MYH14: variants seen among roughly 807,000 people sequenced by gnomAD.
The protein encoded by MYH14 is myosin-14.
Under a neutral mutation model 255.5 loss-of-function variants are expected in MYH14, and 123 were observed. That is an observed-to-expected ratio of 0.48 (90% CI 0.42 to 0.56). The LOEUF is 0.56. MYH14 is among the 20% of genes least tolerant of loss of function. The pLI is 0.00. For missense variants in MYH14, 2,423 were observed against 2,802.3 expected (o/e 0.86, Z 3.06); for synonymous variants, 1,095 against 1,161.2 (o/e 0.94, Z 1.16).
intron 7 of MYH14, 111 bp downstream of exon 7, chr19:50,225,788 G>T: frequency 6.2e-6 from 5 of 806,408 alleles, no homozygotes; most frequent in East Asian, 2.7e-5. Flanking sequence ...AGGAGGGGCT[G>T]GGGGTCTGGA....
intron 35 of MYH14, 96 bp from the exon 36 acceptor site, chr19:50,290,791 G>T: frequency 7.5e-7 from 1 of 1,325,342 alleles, no homozygotes; most frequent in Non-Finnish European, 1.0e-6. Flanking sequence ...CTTGCAGCCT[G>T]GGCAGGAGCT....
At chr19:50,269,105 A>C (rs2035202207) in intron 24 of MYH14, among the ~76,000 whole-genome samples, 1 of 152,254 alleles carries the variant, frequency 6.6e-6, no homozygotes, top group Non-Finnish European at 1.5e-5. Context: ...TAAAATAAAT[A>C]AAATTAAATA....
At chr19:50,283,172 T>G (rs2035782227) in intron 33 of MYH14, among the ~76,000 whole-genome samples, 1 of 151,884 alleles carries the variant, frequency 6.6e-6, no homozygotes, top group Non-Finnish European at 1.5e-5. Context: ...AAGGCTAGAG[T>G]GCAGTGGCAC....
chr19:50,260,146 G>T (rs2034768436), intron 19 of MYH14, among the ~76,000 whole-genome samples: 1 of 152,188 alleles, frequency 6.6e-6, no homozygotes, highest in Non-Finnish European at 1.5e-5. Flanking sequence ...GCCAATACTG[G>T]CTGGGCACTG....
In MYH14 at chr19:50,223,045, C is replaced by T. The variant is rs375704185; in HGVS notation, c.563-38C>T. The stretch of plus-strand genomic sequence containing the variant: ...GGACCAGAGGGCCCTGCTAGAGACT[C>T]TCTCAGATGACATATTCCCCCACTC... On this transcript the variant is annotated intron_variant, in intron 3 of 42. Transcript: ENST00000642316. 15 of 1,603,630 alleles carry T rather than the reference C, an allele frequency of 9.4e-6. No individual in the cohort carries two copies. The African/African-American group carries it at 1.1e-4, about 11-fold the overall frequency.
Position 50,272,742 on chromosome 19 carries a change from G to A in MYH14, c.3467+11G>A. 20 of 1,549,382 alleles carry A rather than the reference G, an allele frequency of 1.3e-5. No homozygotes were observed. The highest frequency in any genetic ancestry group is 1.7e-5 in the Non-Finnish European group (20 of 1,146,878). ...GGCTGCCCTGGCCAGGTGCAGGGTG[G>A]GGTGGGCTTGGTGGGGTAAGCAGCA... On this transcript the variant is annotated intron_variant, in intron 27 of 42. Coordinates refer to ENST00000642316, the MANE Select transcript of MYH14 (RefSeq NM_001145809.2).
rs1600993866 is a variant in MYH14 at position 50,271,844 on chromosome 19, C to T, written c.3172-5C>T. 7 of 1,613,080 alleles carry T rather than the reference C, an allele frequency of 4.3e-6. No individual in the cohort carries two copies. The East Asian group carries it at 1.6e-4, about 36-fold the overall frequency. On this transcript the variant is annotated splice_polypyrimidine_tract_variant and splice_region_variant and intron_variant, in intron 25 of 42. Coordinates refer to ENST00000642316, the MANE Select transcript of MYH14 (RefSeq NM_001145809.2). ...GACTGCCCCCCATCCCACTCCACCCCTCAGGAGCGGAAGCTGCTGGAAGAT... is the reference window on the plus strand; with the variant it reads ...GACTGCCCCCCATCCCACTCCACCCTTCAGGAGCGGAAGCTGCTGGAAGAT...
At chr19:50,220,562 AT>A (rs893246321) in intron 3 of MYH14, among the ~76,000 whole-genome samples, 49 of 147,338 alleles carry the variant, frequency 3.3e-4, no homozygotes, top group Admixed American at 3.4e-4. Context: ...TATTATGCTT[AT>A]TTTTTTTTTT....
In MYH14 at chr19:50,310,200, T is replaced by C; in HGVS notation, c.*410T>C. 1 of 265,150 alleles carries C rather than the reference T, an allele frequency of 3.8e-6. No individual in the cohort carries two copies. 16.4% of individuals were successfully genotyped at this position (265,150 alleles called of 1,614,324 possible). On this transcript the variant is annotated 3_prime_UTR_variant, in exon 43 of 43. Transcript: ENST00000642316. Reference sequence around the variant, plus strand: ...CTCTCTCTCTCTCTCTCTCCCTCCCTCTCCTTCCCTACCCTCTCACCATCT... The same window carrying C: ...CTCTCTCTCTCTCTCTCTCCCTCCCCCTCCTTCCCTACCCTCTCACCATCT...
rs892237332 is a variant in MYH14, at chr19:50,221,781, C to T, written c.563-1302C>T. 2.0e-5 allele frequency among the ~76,000 whole-genome samples: 3 copies of T among 152,088 alleles called. No homozygotes were observed. Among genetic ancestry groups the T allele is most frequent in the Non-Finnish European group, 2.9e-5 (2 of 68,018 alleles). On this transcript the variant is annotated intron_variant, in intron 3 of 42. Transcript: ENST00000642316. This position sits in a 1 kb window ranked among gnomAD's most constrained non-coding sequence, Gnocchi z 5.3. ...TATGAGCCACTGTGTCCAGCCTAAT[C>T]GCTGCTTTAAAACCCATCCCACCAC...
rs568747124 is a variant in MYH14 at position 50,290,777 on chromosome 19, G to A, written c.4966-110G>A. On this transcript the variant is annotated intron_variant, in intron 35 of 42. Coordinates refer to ENST00000642316, the MANE Select transcript of MYH14 (RefSeq NM_001145809.2). The stretch of plus-strand genomic sequence containing the variant: ...AAGAGAGTCAGGGAGTGAGAGGAGC[G>A]GGGCTTGCAGCCTGGGCAGGAGCTC... 3.0e-4 allele frequency: 348 copies of A among 1,145,486 alleles called. 6 individuals carry two copies. The East Asian group carries it at 8.0e-3, about 26-fold the overall frequency. 71.0% of individuals were successfully genotyped at this position (1,145,486 alleles called of 1,614,324 possible).
At chr19:50,254,698 C>G (rs2034527512) in intron 16 of MYH14, among the ~76,000 whole-genome samples, 1 of 152,224 alleles carries the variant, frequency 6.6e-6, no homozygotes, top group Non-Finnish European at 1.5e-5. Context: ...CTGCAAGACA[C>G]AGGCAAAGGG....
rs1422551709 is a variant in MYH14, at chr19:50,293,280, G to A, written c.5304G>A (p.Arg1768=). The part of the protein sequence containing the change: ...DRARRQAQQD[R]DEMADEVANG... ...CTCGGCGGCAGGCCCAGCAGGACCG[G>A]GATGAGATGGCAGATGAGGTGGCCA... Residue 1768 remains arginine (R), a synonymous_variant, in exon 38 of 43, where the codon CGG becomes CGA. Coordinates refer to ENST00000642316, the MANE Select transcript of MYH14 (RefSeq NM_001145809.2). The surrounding 1 kb of genome is among the most constrained non-coding windows in gnomAD (Gnocchi z 4.1). 1.2e-6 allele frequency: 2 copies of A among 1,609,846 alleles called. No individual in the cohort carries two copies. The highest frequency in any genetic ancestry group is 2.2e-5 in the South Asian group (2 of 90,076).
intron 37 of MYH14, among the ~76,000 whole-genome samples, chr19:50,292,646 A>C (rs1269591046): frequency 1.3e-5 from 2 of 152,102 alleles, no homozygotes; most frequent in Admixed American, 1.3e-4. Context: ...CTGCAATGCC[A>C]GCCTAAGAGC....
intron 2 of MYH14, among the ~76,000 whole-genome samples, chr19:50,216,831 A>T (rs1600866178): frequency 8.1e-6 from 1 of 123,406 alleles, no homozygotes; most frequent in East Asian, 2.5e-4. Context: ...TTTTTGAGAC[A>T]GAGTCTCGCT....
At chr19:50,237,009 C>A (rs79151752) in intron 10 of MYH14, among the ~76,000 whole-genome samples, 1 of 152,120 alleles carries the variant, frequency 6.6e-6, no homozygotes, top group African/African-American at 2.4e-5. Context: ...TATGGACTTG[C>A]GTATTCTGGA....
rs1016164735 is a variant in MYH14, at chr19:50,221,343, A to C, written c.563-1740A>C. On this transcript the variant is annotated intron_variant, in intron 3 of 42. Transcript: ENST00000642316. The surrounding 1 kb of genome is among the most constrained non-coding windows in gnomAD (Gnocchi z 5.3). ...GCAGCCGGGCGGTGAACCTGTGTGCATATAGTCCCCCATACCAGGCTGCCA... is the reference window on the plus strand; with the variant it reads ...GCAGCCGGGCGGTGAACCTGTGTGCCTATAGTCCCCCATACCAGGCTGCCA... Among the ~76,000 whole-genome samples the C allele has an allele frequency of 2.6e-5, 4 of 152,150 alleles. No homozygotes were observed. Among genetic ancestry groups the C allele is most frequent in the African/African-American group, 9.7e-5 (4 of 41,428 alleles).
Position 50,230,877 on chromosome 19 carries a change from G to T in MYH14, c.973+254G>T. 3 of 487,736 alleles carry T rather than the reference G, an allele frequency of 6.2e-6. No individual in the cohort carries two copies. Among genetic ancestry groups the T allele is most frequent in the East Asian group, 6.9e-5 (2 of 28,980 alleles). 30.2% of individuals were successfully genotyped at this position (487,736 alleles called of 1,614,324 possible). A position where few individuals can be genotyped will look rare whatever the true frequency, so the allele number is the denominator to read the frequency against. On this transcript the variant is annotated intron_variant, in intron 9 of 42. Coordinates refer to ENST00000642316, the MANE Select transcript of MYH14 (RefSeq NM_001145809.2). The surrounding 1 kb of genome is among the most constrained non-coding windows in gnomAD (Gnocchi z 4.7). ...CTGTCACGGCCACGCAGCCCCCGCC[G>T]CCTGGTGGCTCCTGCTCACGCTCGC...
chr19:50,263,071 G>C (rs760052747), intron 21 of MYH14, among the ~76,000 whole-genome samples: 1 of 152,038 alleles, frequency 6.6e-6, no homozygotes, highest in Admixed American at 6.6e-5. Flanking sequence ...GTTGTGGCAC[G>C]CACCTGTAAT....
Sources: allele counts gnomAD v4.1 joint callset (sites outside exome capture counted in the v4.1 genomes callset), GRCh38; gene constraint gnomAD v4.1.1; non-coding constraint Gnocchi (gnomAD v3.1); transcripts MANE v1.5; gene names NCBI Gene and HGNC (gene_info 2026-07-23, HGNC 2026-07-21).